The following MACF1 variants were observed in gnomAD, a reference collection of about 807,000 sequenced individuals.
MACF1 encodes microtubule-actin cross-linking factor 1.
In MACF1, 193 loss-of-function variants were observed where a neutral mutation model predicts 854.8. The ratio of observed to expected loss-of-function variants is 0.23; its 90% CI spans 0.20 to 0.25. The LOEUF (loss-of-function observed/expected upper bound fraction) is 0.25. Ranked by LOEUF, MACF1 falls within the 10% of genes least tolerant of loss-of-function variation. The pLI, the probability that MACF1 is intolerant of heterozygous loss-of-function variation, is 1.00. For synonymous variants in MACF1, 3,185 were observed against 3,226.7 expected, an observed-to-expected ratio of 0.99 and a Z score of 0.44; for missense variants, 7,722 against 8,929.1, an observed-to-expected ratio of 0.86 and a Z score of 5.45.
intron 58 of MACF1, among the ~76,000 whole-genome samples, 159 bp from the exon 59 acceptor site, chr1:39,422,215 A>G (rs928932848): frequency 1.3e-5 from 2 of 152,190 alleles, no homozygotes; most frequent in Non-Finnish European, 2.9e-5. Context: ...ACAAAACCAC[A>G]TGTTTTCTTG....
At chr1:39,090,470 C>A (rs1641775763) in intron 2 of MACF1, among the ~76,000 whole-genome samples, 1 of 152,242 alleles carries the variant, frequency 6.6e-6, no homozygotes, top group Non-Finnish European at 1.5e-5. Flanking sequence ...TCTGTGCAGG[C>A]AGCAGAAAAG....
intron 58 of MACF1, among the ~76,000 whole-genome samples, chr1:39,404,864 C>T (rs1315409483): frequency 6.6e-6 from 1 of 152,114 alleles, no homozygotes; most frequent in Non-Finnish European, 1.5e-5. Flanking sequence ...TATCTGAAAT[C>T]CTAATGAGTA....
chr1:39,482,235 TC>T (rs1273826347), intron 99 of MACF1, among the ~76,000 whole-genome samples: 2 of 152,224 alleles, frequency 1.3e-5, no homozygotes, highest in Non-Finnish European at 2.9e-5. Flanking sequence ...GCTGTGGTCT[TC>T]CAGCAGCAGT....
chr1:39,444,037 TA>T (rs1276007061), intron 79 of MACF1, among the ~76,000 whole-genome samples: 11 of 152,202 alleles, frequency 7.2e-5, no homozygotes, highest in Non-Finnish European at 1.5e-5. Context: ...CTCTAATCCT[TA>T]AAAAATGTTT....
At chr1:39,368,692 G>T (rs968571782) in intron 50 of MACF1, among the ~76,000 whole-genome samples, 1 of 151,834 alleles carries the variant, frequency 6.6e-6, no homozygotes, top group Admixed American at 6.6e-5. Flanking sequence ...AGTAGAGACG[G>T]GGTTTCCCTA....
chr1:39,374,035 A>C (rs1253317789), intron 52 of MACF1, among the ~76,000 whole-genome samples: 1 of 151,918 alleles, frequency 6.6e-6, no homozygotes, highest in Non-Finnish European at 1.5e-5. Context: ...TGAGGCCAGG[A>C]GTTCAAGACC....
chr1:39,171,004 A>G (rs1297691222), intron 2 of MACF1, among the ~76,000 whole-genome samples: 3 of 152,018 alleles, frequency 2.0e-5, no homozygotes, highest in Non-Finnish European at 4.4e-5. Flanking sequence ...CTTGTCCCCC[A>G]CTTGGTAGGC....
chr1:39,096,768 C>T (rs774805515), intron 2 of MACF1, among the ~76,000 whole-genome samples: 1 of 152,144 alleles, frequency 6.6e-6, no homozygotes, highest in East Asian at 1.9e-4. Flanking sequence ...TATTATACTA[C>T]CTTTCCTCTA....
chr1:39,465,484 A>C (rs1644647963), intron 95 of MACF1, among the ~76,000 whole-genome samples: 2 of 152,204 alleles, frequency 1.3e-5, no homozygotes, highest in African/African-American at 4.8e-5. Flanking sequence ...ATGGTAAGTC[A>C]ATTCCTGAAG....
At chr1:39,122,104 A>T (rs906065722) in intron 2 of MACF1, among the ~76,000 whole-genome samples, 41 of 152,280 alleles carry the variant, frequency 2.7e-4, no homozygotes, top group Middle Eastern at 3.4e-3. Flanking sequence ...TGAGTAAAAA[A>T]AAATTCTGTG....
In MACF1 at chr1:39,333,009, G is replaced by T. The variant is rs1370340056; in HGVS notation, c.6421G>T (p.Gly2141Cys). ...GACCATACCTCCTGCTGAGGCGGAA[G>T]GTGTGCCGTTGGTGGTTGACAAAGA... is the stretch of plus-strand genomic sequence containing the variant. ...LLTIPPAEAE[G>C]VPLVVDKDVF... Residue 2141 changes from glycine (G) to cysteine (C), a missense_variant, in exon 37 of 101, where the codon GGT becomes TGT. Transcript: ENST00000564288. 1.2e-6 allele frequency: 2 copies of T among 1,614,086 alleles called. No individual in the cohort carries two copies. Among genetic ancestry groups the T allele is most frequent in the Admixed American group, 3.3e-5 (2 of 60,004 alleles).
intron 2 of MACF1, among the ~76,000 whole-genome samples, chr1:39,198,123 G>T (rs762851974): frequency 1.3e-5 from 2 of 152,052 alleles, no homozygotes; most frequent in African/African-American, 4.8e-5. Context: ...ACTTGAGCCC[G>T]GTAGTTTGAG....
intron 2 of MACF1, among the ~76,000 whole-genome samples, chr1:39,163,355 A>AG (rs978330662): frequency 3.3e-5 from 5 of 150,826 alleles, no homozygotes; most frequent in Non-Finnish European, 5.9e-5. Flanking sequence ...AAAAAAAAAA[A>AG]AAAAAGAAAA....
intron 58 of MACF1, among the ~76,000 whole-genome samples, chr1:39,405,736 C>T (rs1642670443): frequency 6.6e-6 from 1 of 152,160 alleles, no homozygotes. Flanking sequence ...ACTCTGTAAT[C>T]AATTAACCGG....
At chr1:39,382,271 T>A in intron 56 of MACF1, 119 bp downstream of exon 56, 1 of 914,930 alleles carries the variant, frequency 1.1e-6, no homozygotes, top group Non-Finnish European at 1.7e-6. Context: ...AGTCTCAGTT[T>A]AAATGAGGTA....
Position 39,420,874 on chromosome 1 carries a change from T to C in MACF1, c.15817-1500T>C, listed in dbSNP as rs561443072. Among the ~76,000 whole-genome samples, 41 of 150,814 alleles carry C rather than the reference T, an allele frequency of 2.7e-4. 1 individual carries two copies. The East Asian group carries it at 7.4e-3, about 27-fold the overall frequency. ...ACTGAGAGAAACCCAATTTTTTTTT[T>C]TTTTTTTTTGAGATGGAGTCTTGCT... On this transcript the variant is annotated intron_variant, in intron 58 of 100. Transcript: ENST00000564288.
chr1:39,288,845 C>T (rs1212934266), intron 15 of MACF1, among the ~76,000 whole-genome samples: 6 of 152,162 alleles, frequency 3.9e-5, no homozygotes, highest in African/African-American at 1.4e-4. Context: ...TGACTATAGT[C>T]ATCCTGTTGT....
intron 80 of MACF1, 30 bp from the exon 81 acceptor site, chr1:39,447,402 C>G (rs1368027028): frequency 6.3e-6 from 10 of 1,598,426 alleles, no homozygotes; most frequent in East Asian, 2.2e-5. Context: ...CTTTTTCTTT[C>G]TGTGTGTGTG....
At chr1:39,403,591 A>G (rs1028636093) in intron 58 of MACF1, among the ~76,000 whole-genome samples, 4 of 152,174 alleles carry the variant, frequency 2.6e-5, no homozygotes, top group African/African-American at 4.8e-5. Context: ...GTAACACTAT[A>G]TGGCATTATC....
Sources: gnomAD v4.1 joint callset for allele counts (sites outside exome capture counted in the v4.1 genomes callset) on GRCh38, gnomAD v4.1.1 for gene constraint, MANE v1.5 for transcripts, NCBI Gene and HGNC (gene_info 2026-07-23, HGNC 2026-07-21) for gene names.